The following CERS6 variants were observed in gnomAD, a reference collection of about 807,000 sequenced individuals.
CERS6 encodes LAG1 homolog, ceramide synthase 6.
Under a neutral mutation model 56.8 loss-of-function variants are expected in CERS6, and 26 were observed. The observed-to-expected ratio is 0.46, with a 90% CI of 0.34 to 0.63. The LOEUF (loss-of-function observed/expected upper bound fraction) is 0.63, where lower values mean the gene tolerates loss of function less well. Among genes scored for constraint, CERS6 ranks in the 30% least tolerant of loss-of-function variants. CERS6 has a pLI of 0.01. For missense variants in CERS6, 415 were observed against 467.5 expected (o/e 0.89, Z 1.04); for synonymous variants, 164 against 173.3 (o/e 0.95, Z 0.42).
intron 4 of CERS6, among the ~76,000 whole-genome samples, chr2:168,638,758 A>G (rs1301685492): frequency 6.6e-6 from 1 of 152,126 alleles, no homozygotes; most frequent in Non-Finnish European, 1.5e-5. Flanking sequence ...TTGTTGCTGC[A>G]TTGTGTTTAG....
intron 3 of CERS6, chr2:168,582,988 A>G (rs568406805): frequency 6.5e-6 from 1 of 154,278 alleles, no homozygotes; most frequent in African/African-American, 2.4e-5. Flanking sequence ...ACAAACAGAC[A>G]ATTGCCTAAC....
intron 1 of CERS6, among the ~76,000 whole-genome samples, chr2:168,487,433 T>G (rs1694295130): frequency 6.6e-6 from 1 of 152,192 alleles, no homozygotes. Flanking sequence ...AGAGAATATT[T>G]GGGTCAAAAT....
At chr2:168,661,723 C>G (rs1190234193) in intron 4 of CERS6, among the ~76,000 whole-genome samples, 1 of 152,166 alleles carries the variant, frequency 6.6e-6, no homozygotes, top group Non-Finnish European at 1.5e-5. Context: ...CCTTTGAAAA[C>G]TAGGATCCCT....
At chr2:168,579,299 C>A (rs1683351729) in intron 3 of CERS6, among the ~76,000 whole-genome samples, 1 of 151,048 alleles carries the variant, frequency 6.6e-6, no homozygotes, top group African/African-American at 2.4e-5. Context: ...GCAGCCCTCA[C>A]TTTTTTTTTA....
chr2:168,458,996 A>G (rs967571176), intron 1 of CERS6, among the ~76,000 whole-genome samples: 1 of 152,194 alleles, frequency 6.6e-6, no homozygotes, highest in African/African-American at 2.4e-5. Context: ...GCTACAACTC[A>G]CATTCAATGG....
intron 8 of CERS6, among the ~76,000 whole-genome samples, chr2:168,736,926 C>G (rs1683732638): frequency 6.6e-6 from 1 of 152,202 alleles, no homozygotes; most frequent in Non-Finnish European, 1.5e-5. Context: ...CTTAGGCTCT[C>G]TCGCCTCTGG....
chr2:168,566,290 G>A (rs914653604), intron 3 of CERS6, among the ~76,000 whole-genome samples: 3 of 152,110 alleles, frequency 2.0e-5, no homozygotes, highest in Non-Finnish European at 2.9e-5. Context: ...CTGAAGTTAC[G>A]GAGTTTGTTG....
intron 4 of CERS6, among the ~76,000 whole-genome samples, chr2:168,675,410 C>A (rs1290679881): frequency 1.3e-5 from 2 of 152,026 alleles, no homozygotes; most frequent in Non-Finnish European, 2.9e-5. Context: ...CATGGTGAAA[C>A]CCTGCCTCTA....
chr2:168,644,324 A>G (rs1191373915), intron 4 of CERS6: 2 of 985,024 alleles, frequency 2.0e-6, no homozygotes, highest in Admixed American at 6.2e-5. Context: ...AGAAAGTGGT[A>G]AGTCTGGAAT....
chr2:168,563,345 A>G (rs926770692), intron 3 of CERS6, among the ~76,000 whole-genome samples: 6 of 152,310 alleles, frequency 3.9e-5, no homozygotes, highest in Admixed American at 3.9e-4. Context: ...AAATGCTTCT[A>G]AATGATTGCT....
At chr2:168,758,328 A>G (rs984999804) in intron 8 of CERS6, among the ~76,000 whole-genome samples, 2 of 152,252 alleles carry the variant, frequency 1.3e-5, no homozygotes, top group Non-Finnish European at 2.9e-5. Flanking sequence ...AGGTATCGTC[A>G]CTGACATTCT....
At chr2:168,620,419 GA>G (rs1559023672) in intron 3 of CERS6, among the ~76,000 whole-genome samples, 1 of 151,804 alleles carries the variant, frequency 6.6e-6, no homozygotes, top group African/African-American at 2.4e-5. Flanking sequence ...AAAAACCTAT[GA>G]AAACAAAAAA....
chr2:168,489,252 A>G (rs1400378253), intron 1 of CERS6, among the ~76,000 whole-genome samples: 1 of 152,032 alleles, frequency 6.6e-6, no homozygotes, highest in African/African-American at 2.4e-5. Context: ...TTGGTTTATG[A>G]TGTGAAGTTT....
Position 168,579,308 on chromosome 2 carries a change from T to TA in CERS6, c.407+17987dup, listed in dbSNP as rs1202221688. ...TGGAGAGCAGCCCTCACTTTTTTTTTATAGATAAAACATATGGGATATAGG... is the reference window on the plus strand; with the variant it reads ...TGGAGAGCAGCCCTCACTTTTTTTTTAATAGATAAAACATATGGGATATAGG... On this transcript the variant is annotated intron_variant, in intron 3 of 9. Transcript: ENST00000305747. Among the ~76,000 whole-genome samples the TA allele has an allele frequency of 4.6e-5, 7 of 152,250 alleles. No individual in the cohort carries two copies. In the East Asian group the frequency reaches 1.4e-3, roughly 29 times the overall value.
chr2:168,521,137 A>G (rs929696668), intron 1 of CERS6, among the ~76,000 whole-genome samples: 35 of 152,182 alleles, frequency 2.3e-4, no homozygotes, highest in African/African-American at 7.7e-4. Context: ...AGCTGATAGA[A>G]TTTGAGACTG....
At chr2:168,674,193 T>C (rs561501960) in intron 4 of CERS6, among the ~76,000 whole-genome samples, 1 of 152,330 alleles carries the variant, frequency 6.6e-6, no homozygotes, top group East Asian at 1.9e-4. Context: ...CTTTTCAACC[T>C]TTTCCTATAT....
At chr2:168,574,486 A>G (rs1683201283) in intron 3 of CERS6, among the ~76,000 whole-genome samples, 2 of 152,234 alleles carry the variant, frequency 1.3e-5, no homozygotes, top group Non-Finnish European at 2.9e-5. Context: ...CCCTTGATAC[A>G]TAAATGGTAA....
intron 1 of CERS6, among the ~76,000 whole-genome samples, chr2:168,489,630 T>C (rs1228028668): frequency 6.6e-6 from 1 of 152,090 alleles, no homozygotes; most frequent in Non-Finnish European, 1.5e-5. Context: ...GTTCACTTAC[T>C]CTTTCTTCGG....
At chr2:168,650,177 A>C (rs940479803) in intron 4 of CERS6, among the ~76,000 whole-genome samples, 2 of 152,216 alleles carry the variant, frequency 1.3e-5, no homozygotes, top group African/African-American at 2.4e-5. Context: ...GGGAATAGAT[A>C]GCTGAAGCCA....
Sources: gnomAD v4.1 joint callset for allele counts (sites outside exome capture counted in the v4.1 genomes callset) on GRCh38, gnomAD v4.1.1 for gene constraint, MANE v1.5 for transcripts, NCBI Gene and HGNC (gene_info 2026-07-23, HGNC 2026-07-21) for gene names.